The following HS3ST5 variants were observed in gnomAD, a reference collection of about 807,000 sequenced individuals.
HS3ST5 encodes the protein heparan sulfate glucosamine 3-O-sulfotransferase 5.
Under a neutral mutation model 25.4 loss-of-function variants are expected in HS3ST5, and 10 were observed. The ratio of observed to expected loss-of-function variants is 0.39; its 90% CI spans 0.24 to 0.67. The LOEUF is 0.67. HS3ST5 is among the 30% of genes least tolerant of loss of function. The pLI is 0.44. For synonymous variants in HS3ST5, 170 were observed against 162.4 expected, an observed-to-expected ratio of 1.05 and a Z score of -0.36; for missense variants, 324 against 420.7, an observed-to-expected ratio of 0.77 and a Z score of 2.01.
rs1444908345 is a variant in HS3ST5 at position 114,057,145 on chromosome 6, A to G, written c.*112T>C. 3 of 770,414 alleles carry G rather than the reference A, an allele frequency of 3.9e-6. No homozygotes were observed. Among genetic ancestry groups the G allele is most frequent in the Non-Finnish European group, 6.4e-6 (3 of 466,486 alleles). 47.7% of individuals were successfully genotyped at this position (770,414 alleles called of 1,614,324 possible). Reference sequence around the variant, plus strand: ...GGTCACACACTGCGTATGTACAAATATACATGGAAAAATGACTTGGATAGC... The same window carrying G: ...GGTCACACACTGCGTATGTACAAATGTACATGGAAAAATGACTTGGATAGC... On this transcript the variant is annotated 3_prime_UTR_variant, in exon 5 of 5. Coordinates refer to ENST00000312719, the MANE Select transcript of HS3ST5 (RefSeq NM_153612.4).
At chr6:114,079,754 T>A (rs1350066579) in intron 3 of HS3ST5, among the ~76,000 whole-genome samples, 1 of 152,206 alleles carries the variant, frequency 6.6e-6, no homozygotes, top group Non-Finnish European at 1.5e-5. Context: ...TATAGCCTTA[T>A]GAAATATATT....
intron 2 of HS3ST5, among the ~76,000 whole-genome samples, chr6:114,187,058 A>G (rs1780252215): frequency 6.6e-6 from 1 of 152,178 alleles, no homozygotes; most frequent in Non-Finnish European, 1.5e-5. Flanking sequence ...CTTCCAAAAG[A>G]TCACTGCTCA....
intron 3 of HS3ST5, among the ~76,000 whole-genome samples, chr6:114,157,356 T>C (rs1269468483): frequency 6.6e-6 from 1 of 152,210 alleles, no homozygotes; most frequent in Non-Finnish European, 1.5e-5. Context: ...ACAAATCTGA[T>C]CAAGACATTC....
chr6:114,240,538 G>T (rs1170845402), intron 1 of HS3ST5, among the ~76,000 whole-genome samples: 1 of 152,172 alleles, frequency 6.6e-6, no homozygotes, highest in East Asian at 1.9e-4. Flanking sequence ...GGGGTCCTTT[G>T]TTGCTAAACA....
chr6:114,213,715 G>A (rs763549144), intron 2 of HS3ST5, among the ~76,000 whole-genome samples: 1 of 152,092 alleles, frequency 6.6e-6, no homozygotes, highest in East Asian at 1.9e-4. Flanking sequence ...GGTAAAACAC[G>A]TGCAGGGATA....
At chr6:114,214,902 C>T (rs1209541723) in intron 2 of HS3ST5, among the ~76,000 whole-genome samples, 1 of 152,130 alleles carries the variant, frequency 6.6e-6, no homozygotes. Context: ...ACCAATAGAC[C>T]TCATGTATCC....
At chr6:114,154,096 C>G (rs1369131424) in intron 3 of HS3ST5, among the ~76,000 whole-genome samples, 2 of 152,046 alleles carry the variant, frequency 1.3e-5, no homozygotes, top group African/African-American at 4.8e-5. Flanking sequence ...GAAGGTTTGG[C>G]TCTTGGGACT....
At chr6:114,261,200 G>A (rs926478117) in intron 1 of HS3ST5, among the ~76,000 whole-genome samples, 2 of 152,172 alleles carry the variant, frequency 1.3e-5, no homozygotes, top group Non-Finnish European at 2.9e-5. Flanking sequence ...ATGAAAGATA[G>A]GACTGAGAGA....
chr6:114,237,329 CT>C (rs35288943), intron 1 of HS3ST5, among the ~76,000 whole-genome samples: 11,072 of 145,030 alleles, frequency 0.076, 420 homozygotes, highest in South Asian at 0.15. Context: ...GATACGAGTA[CT>C]TTTTTTTTTT....
At chr6:114,151,695 A>G (rs1327222661) in intron 3 of HS3ST5, among the ~76,000 whole-genome samples, 1 of 152,242 alleles carries the variant, frequency 6.6e-6, no homozygotes, top group Non-Finnish European at 1.5e-5. Context: ...CAGTTGCCCA[A>G]TAAATTCCAA....
In HS3ST5 at chr6:114,214,584, C is replaced by G. The variant is rs530688248; in HGVS notation, c.-145+14001G>C. ...CACATGATAGGAGCTCATAATTACT[C>G]CTTAACTGCACGTCAGAAACAATTA... On this transcript the variant is annotated intron_variant, in intron 2 of 4. Coordinates refer to ENST00000312719, the MANE Select transcript of HS3ST5 (RefSeq NM_153612.4). Among the ~76,000 whole-genome samples, 6 of 152,312 alleles carry G rather than the reference C, an allele frequency of 3.9e-5. No individual in the cohort carries two copies. In the South Asian group the frequency reaches 1.2e-3, roughly 32 times the overall value.
At chr6:114,252,487 G>A (rs559113740) in intron 1 of HS3ST5, among the ~76,000 whole-genome samples, 2 of 152,292 alleles carry the variant, frequency 1.3e-5, no homozygotes, top group Admixed American at 6.5e-5. Context: ...TCTGTGGAGG[G>A]GGAATGAGCA....
At chr6:114,273,234 A>T (rs1323832549) in intron 1 of HS3ST5, among the ~76,000 whole-genome samples, 1 of 152,082 alleles carries the variant, frequency 6.6e-6, no homozygotes, top group East Asian at 1.9e-4. Context: ...CTGATGAATT[A>T]GATGTAAAGT....
intron 2 of HS3ST5, among the ~76,000 whole-genome samples, chr6:114,217,217 C>T (rs1021866970): frequency 1.2e-4 from 18 of 152,182 alleles, no homozygotes; most frequent in Non-Finnish European, 2.2e-4. Flanking sequence ...GTCTTGCCAA[C>T]CATGCCCATA....
chr6:114,156,742 A>G (rs1306157234), intron 3 of HS3ST5, among the ~76,000 whole-genome samples: 2 of 150,548 alleles, frequency 1.3e-5, no homozygotes, highest in South Asian at 4.2e-4. Context: ...GAAACATTTC[A>G]TCTCAGTGGT....
At chr6:114,135,213 G>C (rs1479473769) in intron 3 of HS3ST5, among the ~76,000 whole-genome samples, 1 of 152,212 alleles carries the variant, frequency 6.6e-6, no homozygotes, top group Non-Finnish European at 1.5e-5. Context: ...CCTATAGGTG[G>C]TTGCAAATGT....
chr6:114,185,349 C>G (rs1780169775), intron 2 of HS3ST5, among the ~76,000 whole-genome samples: 1 of 152,276 alleles, frequency 6.6e-6, no homozygotes, highest in Non-Finnish European at 1.5e-5. Context: ...AGAGCTTTCT[C>G]TCCCTCCTTC....
intron 1 of HS3ST5, among the ~76,000 whole-genome samples, chr6:114,246,840 A>C (rs1772402681): frequency 6.6e-6 from 1 of 152,234 alleles, no homozygotes; most frequent in Non-Finnish European, 1.5e-5. Flanking sequence ...TCAAAGAGAA[A>C]AGATTTCTCC....
intron 1 of HS3ST5, among the ~76,000 whole-genome samples, chr6:114,296,251 A>G (rs963621978): frequency 6.6e-6 from 1 of 152,210 alleles, no homozygotes; most frequent in African/African-American, 2.4e-5. Context: ...AATAAGCAGC[A>G]ATATTTATAG....
Sources: allele counts gnomAD v4.1 joint callset (sites outside exome capture counted in the v4.1 genomes callset), GRCh38; gene constraint gnomAD v4.1.1; transcripts MANE v1.5; gene names NCBI Gene and HGNC (gene_info 2026-07-23, HGNC 2026-07-21).